The following MGAM variants were observed in gnomAD, a reference collection of about 807,000 sequenced individuals.
The protein encoded by MGAM is alpha-1,4-glucosidase.
Under a neutral mutation model 358.8 loss-of-function variants are expected in MGAM, and 253 were observed. That is an observed-to-expected ratio of 0.71 (90% CI 0.64 to 0.78). The LOEUF is 0.78. Ranked by LOEUF, MGAM falls within the 30% of genes least tolerant of loss-of-function variation. The pLI is 0.00. For synonymous variants in MGAM, 1,105 were observed against 1,227.1 expected (o/e 0.90, Z 2.08); for missense variants, 3,080 against 3,432.6 (o/e 0.90, Z 2.57).
At chr7:142,101,501 T>A (rs1483708601) in intron 68 of MGAM, among the ~76,000 whole-genome samples, 2 of 151,668 alleles carry the variant, frequency 1.3e-5, no homozygotes, top group South Asian at 2.1e-4. Context: ...TTATTCAATC[T>A]TAACAAGCTT....
intron 21 of MGAM, among the ~76,000 whole-genome samples, chr7:142,041,599 C>A (rs1439388474): frequency 1.3e-5 from 2 of 151,750 alleles, no homozygotes; most frequent in African/African-American, 4.8e-5. Flanking sequence ...AAACCAATCA[C>A]AACCTGGTTT....
chr7:142,024,930 A>G, intron 7 of MGAM, 120 bp from the exon 8 acceptor site: 2 of 656,402 alleles, frequency 3.0e-6, no homozygotes, highest in Non-Finnish European at 5.4e-6. Flanking sequence ...ATGTGTCTTT[A>G]TGACCCTGAA....
intron 34 of MGAM, among the ~76,000 whole-genome samples, chr7:142,061,954 G>A (rs11762139): frequency 0.42 from 63,367 of 151,912 alleles, 13,761 homozygotes; most frequent in East Asian, 0.59. Context: ...TTCAGGTTAA[G>A]GTAAAAACAC....
intron 21 of MGAM, among the ~76,000 whole-genome samples, chr7:142,042,949 A>C (rs1329408526): frequency 1.6e-5 from 1 of 63,624 alleles, no homozygotes; most frequent in Non-Finnish European, 2.7e-5. Flanking sequence ...TATATATATT[A>C]TATATACATA....
At chr7:142,105,452 T>C (rs1289792484) in intron 70 of MGAM, among the ~76,000 whole-genome samples, 1 of 152,172 alleles carries the variant, frequency 6.6e-6, no homozygotes, top group Admixed American at 6.5e-5. Flanking sequence ...CACGCCTGGC[T>C]AATTTTTGTA....
chr7:142,025,050 A>C lies in MGAM; in HGVS notation c.883A>C (p.Asn295His), dbSNP rs782337159. The C allele has an allele frequency of 6.6e-5, 107 of 1,612,482 alleles. No individual in the cohort carries two copies. Among genetic ancestry groups the C allele is most frequent in the Non-Finnish European group, 9.0e-5 (106 of 1,178,752 alleles). ...IFNRDTTPNGNGTNLYGAQTF... is the reference protein window; with the variant it reads ...IFNRDTTPNGHGTNLYGAQTF... ...TTGGTTTTTAATTCTCTTTCTGCAG[A>C]ACGGAACTAATTTGTATGGTGCGCA... Residue 295 changes from asparagine (N) to histidine (H), a missense_variant and splice_region_variant, in exon 8 of 71, where the codon AAC becomes CAC. This residue lies in a region of MGAM where 1,816 missense variants were observed against 1,840.5 expected (regional missense o/e 0.99). Transcript: ENST00000475668.
At chr7:142,068,725 T>C (rs1413076104) in intron 43 of MGAM, 22 bp downstream of exon 43, 1 of 1,468,362 alleles carries the variant, frequency 6.8e-7, no homozygotes, top group South Asian at 1.1e-5. Flanking sequence ...TGAATGTTTA[T>C]ATAACACGGG....
chr7:142,034,596 T>C (rs923385801), intron 15 of MGAM, 74 bp from the exon 16 acceptor site: 13 of 1,367,854 alleles, frequency 9.5e-6, no homozygotes, highest in East Asian at 6.9e-5. Flanking sequence ...ATGTCTTTTG[T>C]ATTGTTGCTG....
intron 68 of MGAM, 69 bp from the exon 69 acceptor site, chr7:142,102,561 T>G: frequency 7.0e-7 from 1 of 1,421,218 alleles, no homozygotes; most frequent in South Asian, 1.2e-5. Flanking sequence ...GAACAGCATT[T>G]ATATATTCTA....
chr7:142,038,516 C>T lies in MGAM; in HGVS notation c.2232-15C>T, dbSNP rs780544115. On this transcript the variant is annotated splice_polypyrimidine_tract_variant and intron_variant, in intron 18 of 70. Coordinates refer to ENST00000475668, the MANE Select transcript of MGAM (RefSeq NM_001365693.1). ...AGTGGCTCAAATCTCAGTGAACTGT[C>T]TCTCTGGTTTTCAGGTTCTACGAGG... 1.3e-6 allele frequency: 2 copies of T among 1,594,018 alleles called. No individual in the cohort carries two copies. Among genetic ancestry groups the T allele is most frequent in the South Asian group, 1.1e-5 (1 of 88,236 alleles).
chr7:142,027,023 C>A, intron 8 of MGAM, 92 bp from the exon 9 acceptor site: 2 of 972,190 alleles, frequency 2.1e-6, no homozygotes, highest in South Asian at 1.4e-5. Context: ...TTAATGTTCA[C>A]ATGGTTAGTG....
intron 27 of MGAM, among the ~76,000 whole-genome samples, chr7:142,055,302 A>C (rs1399490314): frequency 2.0e-5 from 3 of 152,114 alleles, no homozygotes; most frequent in Non-Finnish European, 2.9e-5. Flanking sequence ...TGTGATGATG[A>C]GGGGTGCTTG....
intron 2 of MGAM, among the ~76,000 whole-genome samples, chr7:141,986,527 A>G (rs903394496): frequency 2.6e-5 from 4 of 152,210 alleles, no homozygotes; most frequent in African/African-American, 7.2e-5. Flanking sequence ...CAGAGACCGT[A>G]CATGGCTGTA....
intron 44 of MGAM, among the ~76,000 whole-genome samples, chr7:142,072,046 T>C (rs1432639760): frequency 6.8e-6 from 1 of 146,296 alleles, no homozygotes; most frequent in Non-Finnish European, 1.5e-5. Context: ...CTAAATCCAA[T>C]ACCAGTTGGC....
chr7:142,041,884 G>GTATAATA (rs1808622074), intron 21 of MGAM, among the ~76,000 whole-genome samples: 1 of 75,972 alleles, frequency 1.3e-5, no homozygotes, highest in Non-Finnish European at 2.3e-5. Context: ...ATATATATAC[G>GTATAATA]TATAATATAT....
chr7:142,066,538 G>A lies in MGAM; in HGVS notation c.4771-35G>A, dbSNP rs544731882. ...TTCTTAAATCCCCTAGAAATTCCAG[G>A]GCGAGCTCCCAACACTGTTCTCTTT... On this transcript the variant is annotated intron_variant, in intron 40 of 70. Coordinates refer to ENST00000475668, the MANE Select transcript of MGAM (RefSeq NM_001365693.1). The A allele has an allele frequency of 1.6e-4, 249 of 1,548,240 alleles. 17 individuals are homozygous for A. In the African/African-American group the frequency reaches 2.5e-3, roughly 16 times the overall value.
At chr7:142,095,898 A>G (rs1449177913) in intron 64 of MGAM, 185 bp downstream of exon 64, 2 of 969,210 alleles carry the variant, frequency 2.1e-6, no homozygotes, top group East Asian at 5.0e-5. Flanking sequence ...ATAAAAGGTT[A>G]TTGATTGAAT....
At chr7:142,044,352 C>A (rs1385484109) in intron 21 of MGAM, among the ~76,000 whole-genome samples, 1 of 132,862 alleles carries the variant, frequency 7.5e-6, no homozygotes, top group Non-Finnish European at 1.6e-5. Flanking sequence ...ATATAATATA[C>A]ACATACGATA....
upstream of MGAM, among the ~76,000 whole-genome samples, chr7:141,991,205 A>G (rs536467986): frequency 1.3e-5 from 2 of 152,356 alleles, no homozygotes; most frequent in South Asian, 4.1e-4. Flanking sequence ...CATTTAGCAT[A>G]GAACATAGGC....
Sources: gnomAD v4.1 joint callset for allele counts (sites outside exome capture counted in the v4.1 genomes callset) on GRCh38, gnomAD v4.1.1 for gene constraint, gnomAD v4.1.1 regional missense constraint, MANE v1.5 for transcripts, NCBI Gene and HGNC (gene_info 2026-07-23, HGNC 2026-07-21) for gene names.